The following RC3H1 variants were observed in gnomAD, a reference collection of about 807,000 sequenced individuals.
The protein encoded by RC3H1 is roquin-1.
Under a neutral mutation model 138.2 loss-of-function variants are expected in RC3H1, and 50 were observed. The observed-to-expected ratio is 0.36, with a 90% CI of 0.29 to 0.46. RC3H1 has a LOEUF of 0.46. Ranked by LOEUF, RC3H1 falls within the 20% of genes least tolerant of loss-of-function variation. The pLI is 1.00. For synonymous variants in RC3H1, 462 were observed against 489.1 expected (o/e 0.94, Z 0.73); for missense variants, 1,031 against 1,388.1 (o/e 0.74, Z 4.09).
chr1:173,965,402 C>T (rs187146210), intron 9 of RC3H1, among the ~76,000 whole-genome samples: 1 of 152,168 alleles, frequency 6.6e-6, no homozygotes, highest in East Asian at 1.9e-4. Flanking sequence ...ACCAGTCTGG[C>T]CAACATGGTG....
intron 13 of RC3H1, among the ~76,000 whole-genome samples, chr1:173,957,493 C>G (rs1168216295): frequency 2.0e-5 from 3 of 152,112 alleles, no homozygotes; most frequent in Non-Finnish European, 4.4e-5. Flanking sequence ...TATGGCATAA[C>G]AAAGTTCCAG....
Position 173,979,150 on chromosome 1 carries a change from G to C in RC3H1, c.970-530C>G, listed in dbSNP as rs1660702263. Reference sequence around the variant, plus strand: ...CACCATATTGGACAGTGCATACACAGAACATTTTCATGATTACAGAAAGTT... The same window carrying C: ...CACCATATTGGACAGTGCATACACACAACATTTTCATGATTACAGAAAGTT... On this transcript the variant is annotated intron_variant, in intron 6 of 19. Transcript: ENST00000367696. Among the ~76,000 whole-genome samples the C allele has an allele frequency of 2.0e-5, 3 of 152,312 alleles. No individual in the cohort carries two copies. In the South Asian group the frequency reaches 6.2e-4, roughly 32 times the overall value.
intron 7 of RC3H1, among the ~76,000 whole-genome samples, chr1:173,976,726 G>GA (rs906820106): frequency 5.9e-5 from 9 of 151,978 alleles, no homozygotes; most frequent in African/African-American, 1.9e-4. Flanking sequence ...AGCAGTCAGG[G>GA]AAAAAAATCA....
At chr1:173,940,252 A>C (rs1331661037) in intron 19 of RC3H1, among the ~76,000 whole-genome samples, 1 of 152,162 alleles carries the variant, frequency 6.6e-6, no homozygotes, top group Non-Finnish European at 1.5e-5. Flanking sequence ...CAGGTGGATC[A>C]CCTGAGGTCG....
intron 5 of RC3H1, among the ~76,000 whole-genome samples, chr1:173,981,730 G>C (rs1402603659): frequency 2.0e-5 from 3 of 151,886 alleles, no homozygotes; most frequent in African/African-American, 7.3e-5. Flanking sequence ...TTGTGGGATG[G>C]GCTACTACCA....
chr1:173,936,732 T>C lies in RC3H1; in HGVS notation c.*1989A>G, dbSNP rs1308131601. The C allele has an allele frequency of 1.6e-4, 6 of 36,778 alleles. No homozygotes were observed. Among genetic ancestry groups the C allele is most frequent in the South Asian group, 1.8e-3 (2 of 1,092 alleles). The allele number at this position is 36,778 out of a possible 1,614,324, so 2.3% of individuals were successfully genotyped here. On this transcript the variant is annotated 3_prime_UTR_variant, in exon 20 of 20. Transcript: ENST00000367696. ...CCAAAAAAAAAAGAAAAAGCATACA[T>C]ATATATATATATATATATATATATA...
intron 13 of RC3H1, 90 bp from the exon 14 acceptor site, chr1:173,952,228 G>T: frequency 1.1e-6 from 1 of 899,694 alleles, no homozygotes; most frequent in Non-Finnish European, 1.5e-6. Flanking sequence ...GACAGAGAAA[G>T]CAGGGAATTT....
chr1:173,988,603 T>C (rs753415618), intron 2 of RC3H1, among the ~76,000 whole-genome samples: 23 of 152,228 alleles, frequency 1.5e-4, no homozygotes, highest in Non-Finnish European at 2.9e-4. Context: ...ATACCTACTA[T>C]GTTAAGCTTA....
chr1:173,935,984 G>A lies in RC3H1; in HGVS notation c.*2737C>T, dbSNP rs1425664972. On this transcript the variant is annotated 3_prime_UTR_variant, in exon 20 of 20. Coordinates refer to ENST00000367696, the MANE Select transcript of RC3H1 (RefSeq NM_172071.4). ...TCCCCCAAATGAAAATACATGAAAA[G>A]AGAAAGATACTATTTTAAGTCAAGT... 6.6e-6 allele frequency: 1 copy of A among 152,128 alleles called. No individual in the cohort carries two copies. Among genetic ancestry groups the A allele is most frequent in the African/African-American group, 2.4e-5 (1 of 41,426 alleles). 9.4% of individuals were successfully genotyped at this position (152,128 alleles called of 1,614,324 possible).
intron 7 of RC3H1, among the ~76,000 whole-genome samples, chr1:173,973,366 T>C (rs1345254353): frequency 6.6e-6 from 1 of 151,878 alleles, no homozygotes; most frequent in Admixed American, 6.6e-5. Context: ...TGAAACCCCG[T>C]CTCCACTAAA....
intron 1 of RC3H1, among the ~76,000 whole-genome samples, chr1:174,006,549 A>G (rs1027181506): frequency 6.6e-6 from 1 of 152,210 alleles, no homozygotes; most frequent in African/African-American, 2.4e-5. Context: ...TTTTTCCACT[A>G]TAACACCATG....
intron 17 of RC3H1, among the ~76,000 whole-genome samples, chr1:173,944,174 CAAAA>C (rs201962234): frequency 3.5e-5 from 2 of 57,538 alleles, no homozygotes; most frequent in Admixed American, 2.0e-4. Flanking sequence ...CTTTGTCTCT[CAAAA>C]AAAAAAAAAA....
chr1:174,013,906 AAAG>A (rs1159759105), intron 1 of RC3H1, among the ~76,000 whole-genome samples: 1 of 152,240 alleles, frequency 6.6e-6, no homozygotes, highest in South Asian at 2.1e-4. Flanking sequence ...AACAAAAACA[AAAG>A]AAGAAGATAC....
In RC3H1 at chr1:173,964,099, G is replaced by T. The variant is rs1557931709; in HGVS notation, c.1705C>A (p.Pro569Thr). 1 of 1,614,092 alleles carries T rather than the reference G, an allele frequency of 6.2e-7. No homozygotes were observed. The highest frequency in any genetic ancestry group is 8.5e-7 in the Non-Finnish European group (1 of 1,179,972). Residue 569 changes from proline (P) to threonine (T), a missense_variant, in exon 11 of 20, where the codon CCT becomes ACT. By Grantham distance (38) the Pro-to-Thr change is conservative. Coordinates refer to ENST00000367696, the MANE Select transcript of RC3H1 (RefSeq NM_172071.4). ...PRGPADLPPM[P>T]VTKPLQMVPR... ...ACCATCTGAAGTGGTTTGGTAACAGGCATTGGAGGCAGATCTGCTGGCCCC... is the reference window on the plus strand; with the variant it reads ...ACCATCTGAAGTGGTTTGGTAACAGTCATTGGAGGCAGATCTGCTGGCCCC...
At chr1:173,964,642 T>C (rs1367550921) in intron 10 of RC3H1, among the ~76,000 whole-genome samples, 197 bp downstream of exon 10, 3 of 150,554 alleles carry the variant, frequency 2.0e-5, no homozygotes, top group Non-Finnish European at 4.4e-5. Context: ...GCTGGGATTA[T>C]AGGCATGTGC....
intron 9 of RC3H1, among the ~76,000 whole-genome samples, chr1:173,968,521 C>T (rs13353023): frequency 6.6e-5 from 10 of 151,980 alleles, no homozygotes; most frequent in South Asian, 2.1e-4. Flanking sequence ...TTAGTTTACA[C>T]GAGGGCAATT....
intron 2 of RC3H1, among the ~76,000 whole-genome samples, chr1:173,987,809 T>C (rs917394809): frequency 3.9e-5 from 6 of 152,174 alleles, no homozygotes; most frequent in African/African-American, 1.4e-4. Flanking sequence ...TGTATCCATA[T>C]CAAGCTAAAA....
chr1:173,977,136 G>C (rs914587100), intron 7 of RC3H1, among the ~76,000 whole-genome samples: 3 of 152,082 alleles, frequency 2.0e-5, no homozygotes, highest in Admixed American at 1.3e-4. Flanking sequence ...GTGCTGGCCA[G>C]GATGGTCTCG....
chr1:173,941,749 T>C (rs944991990), intron 18 of RC3H1, among the ~76,000 whole-genome samples: 1 of 149,550 alleles, frequency 6.7e-6, no homozygotes, highest in African/African-American at 2.5e-5. Context: ...CTGGCCAACA[T>C]GGCGAAACCC....
Sources: allele counts gnomAD v4.1 joint callset (sites outside exome capture counted in the v4.1 genomes callset), GRCh38; gene constraint gnomAD v4.1.1; transcripts MANE v1.5; gene names NCBI Gene and HGNC (gene_info 2026-07-23, HGNC 2026-07-21).